The following CCNL1 variants were observed in gnomAD, a reference collection of about 807,000 sequenced individuals.
CCNL1 encodes the protein cyclin-L1.
A neutral mutation model predicts 60.6 loss-of-function variants in CCNL1; 13 were observed. The observed-to-expected ratio is 0.21, with a 90% CI of 0.14 to 0.34. The LOEUF (loss-of-function observed/expected upper bound fraction) is 0.34. Among genes scored for constraint, CCNL1 ranks in the 10% least tolerant of loss-of-function variants. The pLI is 1.00. For missense variants in CCNL1, 481 were observed against 664.3 expected (o/e 0.72, Z 3.03); for synonymous variants, 270 against 244.3 (o/e 1.10, Z -0.98).
intron 10 of CCNL1, 50 bp downstream of exon 10, chr3:157,149,237 C>A (rs529441753): frequency 2.1e-6 from 3 of 1,404,312 alleles, no homozygotes; most frequent in East Asian, 4.6e-5. Context: ...AAAGCAATAA[C>A]CTTTAAAAAC....
At chr3:157,154,937 C>T (rs554503477) in intron 3 of CCNL1, among the ~76,000 whole-genome samples, 1 of 145,658 alleles carries the variant, frequency 6.9e-6, no homozygotes, top group African/African-American at 2.6e-5. Flanking sequence ...CATATATATA[C>T]ATACATACAT....
At chr3:157,159,572 C>T (rs1319132869) in intron 1 of CCNL1, 93 bp from the exon 2 acceptor site, 6 of 1,239,594 alleles carry the variant, frequency 4.8e-6, no homozygotes, top group African/African-American at 3.1e-5. Context: ...CTTCCCTTTC[C>T]CCTCCCGCCG....
At chr3:157,157,128 A>G (rs1415812598) in intron 3 of CCNL1, 2 of 1,288,230 alleles carry the variant, frequency 1.6e-6, no homozygotes, top group Non-Finnish European at 2.0e-6. Flanking sequence ...AGTTAATAAC[A>G]TATACAAGTT....
chr3:157,148,801 GGGGAGTAA>G, intron 10 of CCNL1: 1 of 527,464 alleles, frequency 1.9e-6, no homozygotes, highest in East Asian at 3.1e-5. Context: ...TTTATTCCAA[GGGGAGTAA>G]TTAGCAATTT....
rs752607470 is a variant in CCNL1 at position 157,159,477 on chromosome 3, C to A, written c.306G>T (p.Val102=). 3.1e-6 allele frequency: 5 copies of A among 1,604,554 alleles called. No individual in the cohort carries two copies. Among genetic ancestry groups the A allele is most frequent in the Non-Finnish European group, 3.4e-6 (4 of 1,175,564 alleles). The change falls in exon 2 of 11, where the codon GTG becomes GTT. Residue 102 remains valine, a splice_region_variant and synonymous_variant. Transcript: ENST00000295926. ...AAGILLRLPQ[V]AMATGQVLFH... ...ACAACACCTGCCCCGTTGCCATCGC[C>A]ACCTGCAGACAAGAGAGGAGAACGG...
Position 157,160,100 on chromosome 3 carries a change from T to C in CCNL1, c.-6A>G, listed in dbSNP as rs1353050495. 1 of 1,537,524 alleles carries C rather than the reference T, an allele frequency of 6.5e-7. No homozygotes were observed. Among genetic ancestry groups the C allele is most frequent in the African/African-American group, 1.4e-5 (1 of 72,748 alleles). On this transcript the variant is annotated 5_prime_UTR_variant, in exon 1 of 11. Coordinates refer to ENST00000295926, the MANE Select transcript of CCNL1 (RefSeq NM_020307.4). ...GAATGAGGCCCGGACGCCATAGTCT[T>C]AGCGAGCCGCACGCAAGCCCAACGC...
At chr3:157,159,567 C>A (rs1738907975) in intron 1 of CCNL1, 88 bp from the exon 2 acceptor site, 1 of 1,292,442 alleles carries the variant, frequency 7.7e-7, no homozygotes, top group Admixed American at 2.0e-5. Flanking sequence ...GATCGCTTCC[C>A]TTTCCCCTCC....
At chr3:157,156,063 T>C (rs1490924433) in intron 3 of CCNL1, among the ~76,000 whole-genome samples, 1 of 152,242 alleles carries the variant, frequency 6.6e-6, no homozygotes, top group East Asian at 1.9e-4. Flanking sequence ...GTAATTGACA[T>C]ATAACTCAAC....
chr3:157,148,218 T>C lies in CCNL1; in HGVS notation c.*23A>G. On this transcript the variant is annotated 3_prime_UTR_variant, in exon 11 of 11. Transcript: ENST00000295926. ...GTAGATAGGCAAAACCAAGAACTGA[T>C]GCAGGCTCAAAGGAAGAGAAAGTCA... 5 of 1,601,752 alleles carry C rather than the reference T, an allele frequency of 3.1e-6. No homozygotes were observed. Among genetic ancestry groups the C allele is most frequent in the Non-Finnish European group, 4.3e-6 (5 of 1,173,400 alleles).
At chr3:157,154,462 G>A (rs993764965) in intron 3 of CCNL1, 19 of 152,052 alleles carry the variant, frequency 1.2e-4, no homozygotes, top group African/African-American at 3.6e-4. Context: ...CAGAATACAC[G>A]ATCTATTTTT....
downstream of CCNL1, among the ~76,000 whole-genome samples, chr3:157,144,604 T>TA (rs1737728990): frequency 9.9e-5 from 15 of 152,224 alleles, no homozygotes; most frequent in Admixed American, 9.8e-4. Flanking sequence ...CTTCCAGCCT[T>TA]AGAGTGAAAG....
At chr3:157,147,339 TC>T (rs2108105511), downstream of CCNL1, among the ~76,000 whole-genome samples, 1 of 152,322 alleles carries the variant, frequency 6.6e-6, no homozygotes, top group South Asian at 2.1e-4. Context: ...TTCTTTGTGA[TC>T]AGCTTGTATT....
chr3:157,155,897 A>G lies in CCNL1; in HGVS notation c.489-2741T>C, dbSNP rs1051998599. On this transcript the variant is annotated intron_variant, in intron 3 of 10. Coordinates refer to ENST00000295926, the MANE Select transcript of CCNL1 (RefSeq NM_020307.4). ...CTCAAAAATAATTTTCATTATCAAC[A>G]CACAAACTAACTCAATCTCTGCTTT... 2.8e-4 allele frequency among the ~76,000 whole-genome samples: 42 copies of G among 152,344 alleles called. 1 individual carries two copies. Among genetic ancestry groups the G allele is most frequent in the African/African-American group, 1.0e-3 (42 of 41,588 alleles).
At chr3:157,154,754 T>C (rs949640367) in intron 3 of CCNL1, 2 of 152,104 alleles carry the variant, frequency 1.3e-5, no homozygotes, top group East Asian at 3.8e-4. Context: ...TGGCCTTCCC[T>C]CGGTTTCATT....
At chr3:157,151,557 T>C (rs1160221237) in intron 5 of CCNL1, 2 of 985,868 alleles carry the variant, frequency 2.0e-6, no homozygotes, top group African/African-American at 3.5e-5. Context: ...GCTGCAAGTT[T>C]GTCGTCTCCT....
At chr3:157,156,830 T>C in intron 3 of CCNL1, 1 of 917,654 alleles carries the variant, frequency 1.1e-6, no homozygotes, top group South Asian at 1.6e-5. Flanking sequence ...GACATTAACC[T>C]ATGCAAAAAT....
chr3:157,155,563 C>A (rs1031691072), intron 3 of CCNL1, among the ~76,000 whole-genome samples: 2 of 152,134 alleles, frequency 1.3e-5, no homozygotes, highest in Non-Finnish European at 2.9e-5. Context: ...GGTATATAAC[C>A]TAAAACCAGA....
At chr3:157,144,854 C>G (rs1462257342), downstream of CCNL1, among the ~76,000 whole-genome samples, 1 of 151,882 alleles carries the variant, frequency 6.6e-6, no homozygotes, top group Non-Finnish European at 1.5e-5. Flanking sequence ...AGAAATGGCT[C>G]TTAGAACAAA....
At chr3:157,150,873 A>G in intron 5 of CCNL1, 1 of 985,040 alleles carries the variant, frequency 1.0e-6, no homozygotes, top group South Asian at 4.7e-5. Flanking sequence ...TTAAACTTAT[A>G]TTAAGAAAGC....
Sources: gnomAD v4.1 joint callset for allele counts (sites outside exome capture counted in the v4.1 genomes callset) on GRCh38, gnomAD v4.1.1 for gene constraint, MANE v1.5 for transcripts, NCBI Gene and HGNC (gene_info 2026-07-23, HGNC 2026-07-21) for gene names.